TAS1R1: variants seen among roughly 807,000 people sequenced by gnomAD.
TAS1R1 encodes taste receptor type 1 member 1.
In TAS1R1, 31 loss-of-function variants were observed where a neutral mutation model predicts 45.8. That is an observed-to-expected ratio of 0.68 (90% CI 0.51 to 0.91). The LOEUF (loss-of-function observed/expected upper bound fraction) is 0.91, where lower values mean the gene tolerates loss of function less well. Among genes scored for constraint, TAS1R1 ranks in the 40% least tolerant of loss-of-function variants. The pLI is 0.00. For synonymous variants in TAS1R1, 437 were observed against 448.4 expected (o/e 0.97, Z 0.32); for missense variants, 1,051 against 1,063.9 (o/e 0.99, Z 0.17).
At position 6,577,064 on chromosome 1, in the gene TAS1R1, A is replaced by G. The variant is rs372346736; in HGVS notation, c.1588A>G (p.Lys530Glu). 2.9e-5 allele frequency: 46 copies of G among 1,613,998 alleles called. No individual in the cohort carries two copies. The highest frequency in any genetic ancestry group is 3.7e-5 in the Non-Finnish European group (44 of 1,179,996). The change falls in exon 5 of 6, where the codon AAG becomes GAG. Residue 530 changes from lysine to glutamate, a missense_variant. Lys to Glu is a moderately conservative substitution (Grantham distance 56). Transcript: ENST00000333172. ...CTGTGGGGCTGGGACCTTCCTCAAC[A>G]AGAGTGGTGAGTGGGCAATGGAGCA... is the stretch of plus-strand genomic sequence containing the variant. The part of the protein sequence containing the change: ...VPCGAGTFLN[K>E]SDLYRCQPCG...
intron 2 of TAS1R1, among the ~76,000 whole-genome samples, chr1:6,573,034 T>C (rs1475277784): frequency 6.6e-6 from 1 of 152,220 alleles, no homozygotes; most frequent in Non-Finnish European, 1.5e-5. Context: ...CAGCCACAGC[T>C]GGAATTCACA....
intron 1 of TAS1R1, among the ~76,000 whole-genome samples, chr1:6,559,756 C>T (rs753077840): frequency 5.3e-5 from 8 of 150,582 alleles, no homozygotes; most frequent in Non-Finnish European, 1.0e-4. Context: ...TCACCTGGGC[C>T]GAAGCGGATG....
chr1:6,575,990 G>A (rs113831135), intron 3 of TAS1R1, among the ~76,000 whole-genome samples: 11 of 151,622 alleles, frequency 7.3e-5, no homozygotes, highest in Non-Finnish European at 1.2e-4. Flanking sequence ...CACCGCACCC[G>A]GCCTAATTTT....
rs1486332077 is a variant in TAS1R1, at chr1:6,579,473, T to A, written c.2415T>A (p.Gly805=). ...TGAGCAGCCTGAGCAGCGGCTTCGG[T>A]GGGTATTTTCTGCCTAAGTGCTACG... is the stretch of plus-strand genomic sequence containing the variant. ...AGLSSLSSGF[G]GYFLPKCYVI... Residue 805 remains glycine, a synonymous_variant, in exon 6 of 6, where the codon GGT becomes GGA. Transcript: ENST00000333172. The A allele has an allele frequency of 1.1e-5, 17 of 1,613,712 alleles. No individual in the cohort carries two copies. The highest frequency in any genetic ancestry group is 1.3e-5 in the Non-Finnish European group (15 of 1,179,980).
intron 1 of TAS1R1, 105 bp from the exon 2 acceptor site, chr1:6,570,802 ATG>A: frequency 9.9e-7 from 1 of 1,014,688 alleles, no homozygotes; most frequent in Non-Finnish European, 1.4e-6. Context: ...GACTGGACCG[ATG>A]ACCTCAAAGG....
intron 2 of TAS1R1, among the ~76,000 whole-genome samples, chr1:6,573,142 A>T (rs1339891611): frequency 6.6e-6 from 1 of 152,202 alleles, no homozygotes; most frequent in African/African-American, 2.4e-5. Flanking sequence ...CACTGAAGTC[A>T]GAGATACGCT....
At chr1:6,569,992 C>T (rs1373871296) in intron 1 of TAS1R1, among the ~76,000 whole-genome samples, 6 of 144,562 alleles carry the variant, frequency 4.2e-5, no homozygotes, top group Non-Finnish European at 9.0e-5. Context: ...CTCTAGCACA[C>T]AGCCAGGGAG....
intron 1 of TAS1R1, among the ~76,000 whole-genome samples, chr1:6,561,941 A>G (rs1408428012): frequency 1.3e-5 from 2 of 152,144 alleles, no homozygotes; most frequent in Non-Finnish European, 2.9e-5. Flanking sequence ...CAACTGTAGT[A>G]TGGAGGCTGT....
intron 1 of TAS1R1, among the ~76,000 whole-genome samples, chr1:6,562,374 T>C (rs1639805105): frequency 6.6e-6 from 1 of 152,218 alleles, no homozygotes; most frequent in Non-Finnish European, 1.5e-5. Context: ...TTCACCATGT[T>C]AGCCAGGATG....
Position 6,555,409 on chromosome 1 carries a change from G to C in TAS1R1, c.36G>C (p.Gln12His), listed in dbSNP as rs75881102. ...GCACGGCTCGCCTGGTCGGCCTGCA[G>C]CTTCTCATTTCCTGCTGCTGGGCCT... ...LLCTARLVGL[Q>H]LLISCCWAFA... is the part of the protein sequence containing the mutation. The change falls in exon 1 of 6, where the codon CAG (glutamine) becomes CAC (histidine). Residue 12 changes from glutamine (Q) to histidine (H), a missense_variant. Physicochemically the swap from Gln to His is conservative, Grantham distance 24. Transcript: ENST00000333172. The C allele has an allele frequency of 1.6e-3, 2,643 of 1,606,430 alleles. 64 individuals are homozygous for C. The East Asian group carries it at 0.051, about 31-fold the overall frequency.
intron 1 of TAS1R1, 130 bp from the exon 2 acceptor site, chr1:6,570,779 T>C: frequency 1.4e-6 from 1 of 727,544 alleles, no homozygotes; most frequent in Non-Finnish European, 2.2e-6. Context: ...CTTGTTGAAG[T>C]TGTGGTTTGG....
At chr1:6,568,655 CAT>C (rs370923416) in intron 1 of TAS1R1, among the ~76,000 whole-genome samples, 237 of 152,128 alleles carry the variant, frequency 1.6e-3, no homozygotes, top group African/African-American at 5.5e-3. Context: ...GGCAGGTAAT[CAT>C]GTGGTTATGG....
intron 1 of TAS1R1, among the ~76,000 whole-genome samples, chr1:6,558,787 T>TGGCTCACTGCAACCTC (rs1639730053): frequency 6.6e-6 from 1 of 151,238 alleles, no homozygotes; most frequent in African/African-American, 2.4e-5. Flanking sequence ...GCTGCGATCT[T>TGGCTCACTGCAACCTC]GGCTCACTGC....
intron 1 of TAS1R1, among the ~76,000 whole-genome samples, chr1:6,556,385 T>TA (rs1639684292): frequency 3.3e-5 from 5 of 150,120 alleles, no homozygotes; most frequent in Non-Finnish European, 5.9e-5. Flanking sequence ...TTTCTTTTAT[T>TA]TCTATCTATC....
At chr1:6,564,509 A>T (rs1450025941) in intron 1 of TAS1R1, among the ~76,000 whole-genome samples, 1 of 152,110 alleles carries the variant, frequency 6.6e-6, no homozygotes, top group Non-Finnish European at 1.5e-5. Context: ...CTATGGGCAG[A>T]AGGGAGGTCC....
chr1:6,573,810 G>A (rs1400216371), intron 2 of TAS1R1, among the ~76,000 whole-genome samples: 6 of 151,706 alleles, frequency 4.0e-5, no homozygotes, highest in South Asian at 2.1e-4. Flanking sequence ...CTACAGGCGC[G>A]CGCCACCATG....
At chr1:6,573,491 C>G (rs942248266) in intron 2 of TAS1R1, among the ~76,000 whole-genome samples, 1 of 152,036 alleles carries the variant, frequency 6.6e-6, no homozygotes, top group Non-Finnish European at 1.5e-5. Flanking sequence ...CCGAACATAG[C>G]ACTTCTCTGC....
Position 6,575,859 on chromosome 1 carries a change from A to AT in TAS1R1, c.1260+475dup, listed in dbSNP as rs375034546. 2.9e-3 allele frequency among the ~76,000 whole-genome samples: 432 copies of AT among 151,496 alleles called. 2 individuals are homozygous for AT. Among genetic ancestry groups the AT allele is most frequent in the African/African-American group, 9.8e-3 (405 of 41,318 alleles). The stretch of plus-strand genomic sequence containing the variant: ...GGGCGCCCGCCACCACGCCCAGCTA[A>AT]TTTTTTTTGTATTTTGAGTAGAGAC... On this transcript the variant is annotated intron_variant, in intron 3 of 5. Coordinates refer to ENST00000333172, the MANE Select transcript of TAS1R1 (RefSeq NM_138697.4).
rs767970228 is a variant in TAS1R1 at position 6,575,072 on chromosome 1, G to A, written c.940G>A (p.Gly314Arg). ...ALSRHITGVP[G>R]IQRIGMVLGV... ...CTCCAGGCACATCACTGGGGTGCCC[G>A]GGATCCAGCGCATTGGGATGGTGCT... Residue 314 changes from glycine to arginine, a missense_variant, in exon 3 of 6, where the codon GGG (glycine) becomes AGG (arginine). Gly to Arg is a moderately radical substitution (Grantham distance 125). Coordinates refer to ENST00000333172, the MANE Select transcript of TAS1R1 (RefSeq NM_138697.4). The A allele has an allele frequency of 1.8e-5, 28 of 1,588,608 alleles. No homozygotes were observed. The highest frequency in any genetic ancestry group is 4.0e-5 in the African/African-American group (3 of 74,324).
Sources: allele counts gnomAD v4.1 joint callset (sites outside exome capture counted in the v4.1 genomes callset), GRCh38; gene constraint gnomAD v4.1.1; transcripts MANE v1.5; gene names NCBI Gene and HGNC (gene_info 2026-07-23, HGNC 2026-07-21).